The following GPHN variants were observed in gnomAD, a reference collection of about 807,000 sequenced individuals.
The protein encoded by GPHN is gephyrin.
A neutral mutation model predicts 95.5 loss-of-function variants in GPHN; 17 were observed. The ratio of observed to expected loss-of-function variants is 0.18; its 90% CI spans 0.12 to 0.27. The LOEUF (loss-of-function observed/expected upper bound fraction) is 0.27, where lower values mean the gene tolerates loss of function less well. Among genes scored for constraint, GPHN ranks in the 10% least tolerant of loss-of-function variants. The pLI, the probability that GPHN is intolerant of heterozygous loss-of-function variation, is 1.00. For synonymous variants in GPHN, 320 were observed against 322.5 expected (o/e 0.99, Z 0.08); for missense variants, 660 against 978.1 (o/e 0.67, Z 4.34).
At chr14:67,712,493 C>CA in the GPHN span, among the ~76,000 whole-genome samples, 8,430 of 37,542 alleles carry the variant, frequency 0.22, 1,388 homozygotes, top group Non-Finnish European at 0.35. Flanking sequence ...AAAAAACTTG[C>CA]AAAAAAAAAA....
intron 8 of GPHN, among the ~76,000 whole-genome samples, chr14:66,945,724 T>C (rs1199682032): frequency 6.6e-6 from 1 of 152,204 alleles, no homozygotes; most frequent in Non-Finnish European, 1.5e-5. Flanking sequence ...AATACCACAG[T>C]TTTAAAAAGG....
the GPHN span, among the ~76,000 whole-genome samples, chr14:67,352,118 C>T: frequency 6.6e-6 from 1 of 151,402 alleles, no homozygotes; most frequent in African/African-American, 2.4e-5. Context: ...GACCCCATCT[C>T]CACAAAAAAT....
intron 1 of GPHN, among the ~76,000 whole-genome samples, chr14:66,607,386 A>T (rs988212958): frequency 4.1e-5 from 6 of 146,828 alleles, no homozygotes; most frequent in African/African-American, 7.5e-5. Flanking sequence ...TTTTTTTTGT[A>T]TTTTTGTGTT....
chr14:67,421,995 A>ATCTTTT, the GPHN span, among the ~76,000 whole-genome samples: 1 of 152,168 alleles, frequency 6.6e-6, no homozygotes, highest in Admixed American at 6.5e-5. Flanking sequence ...GAATGTTGCA[A>ATCTTTT]TGTTTTGACA....
chr14:66,612,449 C>A (rs1349694625), intron 1 of GPHN, among the ~76,000 whole-genome samples: 1 of 151,956 alleles, frequency 6.6e-6, no homozygotes, highest in Non-Finnish European at 1.5e-5. Context: ...AAAATAAACA[C>A]AATGAAGTTT....
the GPHN span, among the ~76,000 whole-genome samples, chr14:67,296,579 C>CT: frequency 2.2e-5 from 2 of 89,768 alleles, no homozygotes; most frequent in East Asian, 6.1e-4. Flanking sequence ...GAGTGAAACT[C>CT]TGTCTCAAAA....
chr14:66,985,489 C>A (rs887723718), intron 9 of GPHN, among the ~76,000 whole-genome samples: 4 of 152,104 alleles, frequency 2.6e-5, no homozygotes, highest in African/African-American at 9.7e-5. Context: ...ATAACAAAGA[C>A]TGAATTCTAG....
the GPHN span, among the ~76,000 whole-genome samples, chr14:67,506,046 T>C: frequency 0.58 from 88,486 of 151,948 alleles, 27,454 homozygotes; most frequent in Non-Finnish European, 0.69. Context: ...ATCCCAGCAA[T>C]TGGGAGGGTA....
the GPHN span, among the ~76,000 whole-genome samples, chr14:67,329,871 TAAA>T: frequency 0.083 from 9,564 of 114,936 alleles, 498 homozygotes; most frequent in African/African-American, 0.25. Context: ...AATAAATAAA[TAAA>T]TAAATAGATA....
chr14:66,964,866 T>C (rs957139320), intron 8 of GPHN, among the ~76,000 whole-genome samples: 1 of 152,182 alleles, frequency 6.6e-6, no homozygotes, highest in African/African-American at 2.4e-5. Flanking sequence ...ATGGAAAATA[T>C]ATAGGAATTA....
intron 1 of GPHN, among the ~76,000 whole-genome samples, chr14:66,553,007 T>TTTTTTTTCTTTTTTTTTTG (rs1566591596): frequency 6.6e-6 from 1 of 151,880 alleles, no homozygotes; most frequent in African/African-American, 2.4e-5. Flanking sequence ...TTTCTTTTTT[T>TTTTTTTTCTTTTTTTTTTG]AGACAAGAGT....
At chr14:67,162,346 T>G (rs1465138862) in intron 19 of GPHN, among the ~76,000 whole-genome samples, 1 of 152,244 alleles carries the variant, frequency 6.6e-6, no homozygotes, top group Non-Finnish European at 1.5e-5. Context: ...TTAAATGGGC[T>G]TCTTTTAGTT....
chr14:67,421,609 G>A, the GPHN span, among the ~76,000 whole-genome samples: 1 of 152,278 alleles, frequency 6.6e-6, no homozygotes, highest in Non-Finnish European at 1.5e-5. Context: ...GAGAGTGTGA[G>A]CCTGTCTGGA....
At chr14:67,211,434 T>A in the GPHN span, among the ~76,000 whole-genome samples, 1 of 152,078 alleles carries the variant, frequency 6.6e-6, no homozygotes, top group Admixed American at 6.6e-5. Context: ...AGAGGAGAAC[T>A]GGGGAAAAGA....
chr14:67,559,583 A>G, the GPHN span: 4 of 1,518,124 alleles, frequency 2.6e-6, no homozygotes, highest in Non-Finnish European at 3.6e-6. Context: ...GTTGGGATTA[A>G]CGGAAGGCCC....
At chr14:66,987,762 C>T (rs1346531654) in intron 9 of GPHN, among the ~76,000 whole-genome samples, 2 of 151,996 alleles carry the variant, frequency 1.3e-5, no homozygotes, top group Non-Finnish European at 2.9e-5. Flanking sequence ...ACTTCCTAGT[C>T]ACGGGTTTGT....
At chr14:67,261,140 T>G in the GPHN span, among the ~76,000 whole-genome samples, 1 of 152,128 alleles carries the variant, frequency 6.6e-6, no homozygotes, top group Non-Finnish European at 1.5e-5. Flanking sequence ...TGGTACATAG[T>G]AAATTCTCAG....
chr14:66,817,661 C>T (rs1165315382), intron 3 of GPHN, among the ~76,000 whole-genome samples: 1 of 152,094 alleles, frequency 6.6e-6, no homozygotes, highest in Admixed American at 6.6e-5. Flanking sequence ...ATAATGTCAC[C>T]TCAGTTGGGT....
chr14:66,706,645 C>G lies in GPHN; in HGVS notation c.143+25460C>G, dbSNP rs183725749. Among the ~76,000 whole-genome samples the G allele has an allele frequency of 1.1e-4, 17 of 152,234 alleles. No homozygotes were observed. In the East Asian group the frequency reaches 3.3e-3, roughly 29 times the overall value. The stretch of plus-strand genomic sequence containing the variant: ...CTGAAACTCGACCCTTTCCTTACAC[C>G]TTATTCAAAAATTAACTCAAGATGT... On this transcript the variant is annotated intron_variant, in intron 2 of 22. Transcript: ENST00000478722.
Sources: gnomAD v4.1 joint callset for allele counts (sites outside exome capture counted in the v4.1 genomes callset) on GRCh38, gnomAD v4.1.1 for gene constraint, MANE v1.5 for transcripts, NCBI Gene and HGNC (gene_info 2026-07-23, HGNC 2026-07-21) for gene names.